PRKN: variants seen among roughly 807,000 people sequenced by gnomAD.
The protein encoded by PRKN is E3 ubiquitin-protein ligase parkin.
In PRKN, 56 loss-of-function variants were observed where a neutral mutation model predicts 59.5. That is an observed-to-expected ratio of 0.94 (90% CI 0.76 to 1.18). The LOEUF is 1.18. Among genes scored for constraint, PRKN ranks in the 50% most tolerant of loss-of-function variants. The probability of loss-of-function intolerance (pLI) is 0.00; values close to 1 mark genes in which losing one functional copy is unlikely to be tolerated. For synonymous variants in PRKN, 250 were observed against 222.1 expected (o/e 1.13, Z -1.12); for missense variants, 657 against 596.4 (o/e 1.10, Z -1.06).
intron 1 of PRKN, among the ~76,000 whole-genome samples, chr6:162,584,354 A>G (rs34918316): frequency 0.1 from 15,554 of 152,216 alleles, 937 homozygotes; most frequent in Middle Eastern, 0.19. Flanking sequence ...CTTAACCAAC[A>G]TGAGGGAAAA....
At chr6:161,609,768 C>G (rs1457873899) in intron 7 of PRKN, among the ~76,000 whole-genome samples, 1 of 152,174 alleles carries the variant, frequency 6.6e-6, no homozygotes, top group Admixed American at 6.5e-5. Flanking sequence ...AGGGCGAGGT[C>G]TGTGCTGGAC....
chr6:162,571,880 T>A (rs945749325), intron 1 of PRKN, among the ~76,000 whole-genome samples: 10 of 152,208 alleles, frequency 6.6e-5, no homozygotes, highest in Middle Eastern at 3.4e-3. Flanking sequence ...ACCACAAATG[T>A]GAGACTCATT....
At chr6:162,259,526 T>A (rs1469533534) in intron 3 of PRKN, among the ~76,000 whole-genome samples, 1 of 152,242 alleles carries the variant, frequency 6.6e-6, no homozygotes, top group Non-Finnish European at 1.5e-5. Context: ...AGTCTGTGAA[T>A]CTCTGCTCTA....
At chr6:162,577,796 G>A (rs6913859) in intron 1 of PRKN, among the ~76,000 whole-genome samples, 7 of 151,944 alleles carry the variant, frequency 4.6e-5, no homozygotes, top group Non-Finnish European at 8.8e-5. Context: ...AGGCAAGATG[G>A]TGCATGCCTG....
chr6:162,569,037 T>A, intron 1 of PRKN: 1 of 696,816 alleles, frequency 1.4e-6, no homozygotes, highest in Non-Finnish European at 2.6e-6. Context: ...CTCGGACACA[T>A]CTATGGTGCT....
chr6:161,562,439 C>T lies in PRKN; in HGVS notation c.933+6916G>A, dbSNP rs549565874. Among the ~76,000 whole-genome samples, 7 of 152,292 alleles carry T rather than the reference C, an allele frequency of 4.6e-5. No homozygotes were observed. The East Asian group carries it at 7.7e-4, about 17-fold the overall frequency. Reference sequence around the variant, plus strand: ...AATTTCCAAACACTGGTGTTCCTTACGGTTCATCCAATCACGGTCTCTCCT... The same window carrying T: ...AATTTCCAAACACTGGTGTTCCTTATGGTTCATCCAATCACGGTCTCTCCT... On this transcript the variant is annotated intron_variant, in intron 8 of 11. Coordinates refer to ENST00000366898, the MANE Select transcript of PRKN (RefSeq NM_004562.3). This position sits in a 1 kb window ranked among gnomAD's most constrained non-coding sequence, Gnocchi z 4.3.
In PRKN at chr6:161,357,180, C is replaced by A. The variant is rs746916615; in HGVS notation, c.1285+2908G>T. Among the ~76,000 whole-genome samples the A allele has an allele frequency of 3.3e-5, 5 of 151,514 alleles. No individual in the cohort carries two copies. The highest frequency in any genetic ancestry group is 1.2e-4 in the African/African-American group (5 of 41,156). On this transcript the variant is annotated intron_variant, in intron 11 of 11. Coordinates refer to ENST00000366898, the MANE Select transcript of PRKN (RefSeq NM_004562.3). The surrounding 1 kb of genome is among the most constrained non-coding windows in gnomAD (Gnocchi z 5.5). ...AATTCTCCTGCCTCAGGTTCCCAAGCAGTTGGGACTACAGGCATGTACCAC... is the reference window on the plus strand; with the variant it reads ...AATTCTCCTGCCTCAGGTTCCCAAGAAGTTGGGACTACAGGCATGTACCAC...
At chr6:162,593,132 A>G (rs1179383184) in intron 1 of PRKN, among the ~76,000 whole-genome samples, 1 of 152,188 alleles carries the variant, frequency 6.6e-6, no homozygotes, top group East Asian at 1.9e-4. Context: ...ACGAAACAGA[A>G]TTAGGGGTTA....
At chr6:162,549,748 C>T (rs1779260123) in intron 1 of PRKN, among the ~76,000 whole-genome samples, 1 of 150,984 alleles carries the variant, frequency 6.6e-6, no homozygotes, top group Non-Finnish European at 1.5e-5. Flanking sequence ...AAGTGATTCT[C>T]CTGCCTCAGC....
At position 161,419,524 on chromosome 6, in the gene PRKN, A is replaced by G. The variant is rs928976840; in HGVS notation, c.1084-32647T>C. 1.1e-4 allele frequency among the ~76,000 whole-genome samples: 16 copies of G among 151,852 alleles called. No individual in the cohort carries two copies. The highest frequency in any genetic ancestry group is 3.9e-4 in the African/African-American group (16 of 41,292). On this transcript the variant is annotated intron_variant, in intron 9 of 11. Coordinates refer to ENST00000366898, the MANE Select transcript of PRKN (RefSeq NM_004562.3). This position sits in a 1 kb window ranked among gnomAD's most constrained non-coding sequence, Gnocchi z 4.1. ...TGCCTCAGCCTCCTGAGTAGCTGGG[A>G]TTACAGGTACACGCCACTGCGCCTG...
chr6:161,831,570 A>G (rs9347543), intron 6 of PRKN, among the ~76,000 whole-genome samples: 34,571 of 152,186 alleles, frequency 0.23, 4,212 homozygotes, highest in East Asian at 0.43. Context: ...GATGATCAAC[A>G]GTGAACTTGG....
intron 4 of PRKN, among the ~76,000 whole-genome samples, chr6:162,077,822 A>C (rs2128292783): frequency 6.6e-6 from 1 of 151,936 alleles, no homozygotes; most frequent in Non-Finnish European, 1.5e-5. Flanking sequence ...CAATGTGGTG[A>C]AACCCTGTCT....
At chr6:162,087,485 G>A (rs1297354676) in intron 4 of PRKN, among the ~76,000 whole-genome samples, 1 of 151,816 alleles carries the variant, frequency 6.6e-6, no homozygotes, top group Non-Finnish European at 1.5e-5. Context: ...GGCCAGAAAC[G>A]AGCACCTACT....
intron 6 of PRKN, among the ~76,000 whole-genome samples, chr6:161,905,651 T>C (rs1031209508): frequency 1.3e-5 from 2 of 151,900 alleles, no homozygotes; most frequent in Non-Finnish European, 2.9e-5. Context: ...GTTTTATTTA[T>C]ATATATATTT....
At chr6:162,657,305 T>C (rs1778680199) in intron 1 of PRKN, among the ~76,000 whole-genome samples, 1 of 152,186 alleles carries the variant, frequency 6.6e-6, no homozygotes, top group Non-Finnish European at 1.5e-5. Flanking sequence ...TTTGATACTA[T>C]TGCATTTGTT....
chr6:162,013,331 G>A (rs947770443), intron 5 of PRKN, among the ~76,000 whole-genome samples: 3 of 152,124 alleles, frequency 2.0e-5, no homozygotes, highest in African/African-American at 4.8e-5. Context: ...TTTTGGATAC[G>A]TCCTCACTGT....
At chr6:161,895,199 AC>A (rs1256977874) in intron 6 of PRKN, among the ~76,000 whole-genome samples, 2 of 152,146 alleles carry the variant, frequency 1.3e-5, no homozygotes, top group Non-Finnish European at 2.9e-5. Context: ...TTGAATTCCA[AC>A]CCTAGCTACT....
chr6:162,065,505 C>T (rs113497172), intron 4 of PRKN, among the ~76,000 whole-genome samples: 46 of 152,146 alleles, frequency 3.0e-4, no homozygotes, highest in African/African-American at 9.6e-4. Flanking sequence ...TTTCAATATC[C>T]TCTGGCAACA....
intron 1 of PRKN, among the ~76,000 whole-genome samples, chr6:162,609,407 A>C (rs900530640): frequency 2.0e-5 from 3 of 152,248 alleles, no homozygotes; most frequent in Non-Finnish European, 2.9e-5. Context: ...AAGAATAGCA[A>C]CTTCATATAG....
Sources: allele counts gnomAD v4.1 joint callset (sites outside exome capture counted in the v4.1 genomes callset), GRCh38; gene constraint gnomAD v4.1.1; non-coding constraint Gnocchi (gnomAD v3.1); transcripts MANE v1.5; gene names NCBI Gene and HGNC (gene_info 2026-07-23, HGNC 2026-07-21).